The following MON2 variants were observed in gnomAD, a reference collection of about 807,000 sequenced individuals.
The protein encoded by MON2 is MON2 regulator of endosome-to-Golgi trafficking.
Under a neutral mutation model 208.6 loss-of-function variants are expected in MON2, and 84 were observed. That is an observed-to-expected ratio of 0.40 (90% confidence interval 0.34 to 0.48). The LOEUF (loss-of-function observed/expected upper bound fraction) is 0.48, where lower values mean the gene tolerates loss of function less well. MON2 is among the 20% of genes least tolerant of loss of function. The pLI is 0.59. For missense variants in MON2, 1,611 were observed against 2,015.4 expected (o/e 0.80, Z 3.84); for synonymous variants, 660 against 694.0 (o/e 0.95, Z 0.77).
In MON2 at chr12:62,532,683, A is replaced by G; in HGVS notation, c.1633+13A>G. 6.4e-7 allele frequency: 1 copy of G among 1,562,382 alleles called. No individual in the cohort carries two copies. The highest frequency in any genetic ancestry group is 8.8e-7 in the Non-Finnish European group (1 of 1,139,658). On this transcript the variant is annotated intron_variant, in intron 12 of 34. Transcript: ENST00000393630. ...GATAAGGAAATTGGTATGAGTCTGTATTTTTAATTTTTATTGGAAATAATT... is the reference window on the plus strand; with the variant it reads ...GATAAGGAAATTGGTATGAGTCTGTGTTTTTAATTTTTATTGGAAATAATT...
At chr12:62,579,165 G>T (rs1230312296) in intron 31 of MON2, among the ~76,000 whole-genome samples, 1 of 151,880 alleles carries the variant, frequency 6.6e-6, no homozygotes, top group Admixed American at 6.6e-5. Context: ...GATCACTTGA[G>T]CTCAGGAGTT....
At chr12:62,508,622 C>G in intron 8 of MON2, 142 bp downstream of exon 8, 1 of 651,938 alleles carries the variant, frequency 1.5e-6, no homozygotes, top group Non-Finnish European at 2.7e-6. Flanking sequence ...TCTAGGTACT[C>G]TAAAGGTTTG....
At chr12:62,584,658 A>AC (rs1223111011) in intron 32 of MON2, among the ~76,000 whole-genome samples, 1 of 145,170 alleles carries the variant, frequency 6.9e-6, no homozygotes, top group Non-Finnish European at 1.5e-5. Context: ...AGCCAAGATT[A>AC]CACCACTGCA....
intron 26 of MON2, 46 bp from the exon 27 acceptor site, chr12:62,565,191 T>C (rs2074335376): frequency 1.9e-6 from 3 of 1,574,952 alleles, no homozygotes; most frequent in Non-Finnish European, 1.7e-6. Flanking sequence ...AAGAACTTAA[T>C]GGAGTTCAGA....
At chr12:62,476,081 T>C (rs938765953) in intron 1 of MON2, among the ~76,000 whole-genome samples, 4 of 152,172 alleles carry the variant, frequency 2.6e-5, no homozygotes, top group African/African-American at 9.6e-5. Flanking sequence ...TTTTTAGTTA[T>C]ATACATGTAA....
chr12:62,495,295 G>A, intron 4 of MON2, 148 bp downstream of exon 4: 1 of 671,054 alleles, frequency 1.5e-6, no homozygotes, highest in Non-Finnish European at 2.3e-6. Context: ...AATAACTGTT[G>A]GTACCTTATT....
chr12:62,577,858 T>C (rs949838230), intron 30 of MON2, among the ~76,000 whole-genome samples: 3 of 152,188 alleles, frequency 2.0e-5, no homozygotes, highest in Non-Finnish European at 2.9e-5. Flanking sequence ...TTCACTCTTA[T>C]GAGCCACAGA....
chr12:62,538,124 C>T lies in MON2; in HGVS notation c.2147C>T (p.Pro716Leu). The T allele has an allele frequency of 6.2e-7, 1 of 1,613,552 alleles. No individual in the cohort carries two copies. The highest frequency in any genetic ancestry group is 8.5e-7 in the Non-Finnish European group (1 of 1,179,846). ...QHLVWILGLK[P>L]SSGGALKPGR... is the part of the protein sequence containing the mutation. The stretch of plus-strand genomic sequence containing the variant: ...CTTGTGTGGATTCTGGGATTAAAGC[C>T]TAGTAGTGGCGGTGCCTTGAAACCT... Residue 716 changes from proline (P) to leucine (L), a missense_variant, in exon 17 of 35, where the codon CCT becomes CTT. Coordinates refer to ENST00000393630, the MANE Select transcript of MON2 (RefSeq NM_015026.3).
chr12:62,529,695 C>T (rs1324647849), intron 11 of MON2, among the ~76,000 whole-genome samples: 3 of 152,260 alleles, frequency 2.0e-5, no homozygotes, highest in Non-Finnish European at 2.9e-5. Flanking sequence ...AAACCTCATA[C>T]CCATTAGCAG....
chr12:62,517,006 G>A (rs145101527), intron 8 of MON2, among the ~76,000 whole-genome samples: 1 of 152,266 alleles, frequency 6.6e-6, no homozygotes, highest in East Asian at 1.9e-4. Context: ...AGAACTTTAA[G>A]GGCCAATGTA....
rs117932372 is a variant in MON2, at chr12:62,536,269, T to C, written c.1900+560T>C. Among the ~76,000 whole-genome samples, 1,445 of 152,256 alleles carry C rather than the reference T, an allele frequency of 9.5e-3. 13 individuals are homozygous for C. Among genetic ancestry groups the C allele is most frequent in the Non-Finnish European group, 0.015 (1,008 of 68,010 alleles). ...GTAGAACAGTAATGTTTGTAACCAC[T>C]TAGGTTAAACTTACATTCAAAAATT... On this transcript the variant is annotated intron_variant, in intron 14 of 34. Coordinates refer to ENST00000393630, the MANE Select transcript of MON2 (RefSeq NM_015026.3).
At chr12:62,566,110 T>G in intron 28 of MON2, 79 bp downstream of exon 28, 1 of 1,454,576 alleles carries the variant, frequency 6.9e-7, no homozygotes, top group Non-Finnish European at 9.5e-7. Flanking sequence ...GGTAGAATGC[T>G]GTATGTGCTT....
chr12:62,564,132 T>C (rs1280565151), intron 26 of MON2, among the ~76,000 whole-genome samples: 1 of 152,128 alleles, frequency 6.6e-6, no homozygotes, highest in Admixed American at 6.6e-5. Flanking sequence ...TGGGGAGCAC[T>C]TGCATATCTA....
intron 30 of MON2, among the ~76,000 whole-genome samples, chr12:62,575,719 A>G (rs1347283280): frequency 2.0e-5 from 3 of 152,232 alleles, no homozygotes; most frequent in Non-Finnish European, 4.4e-5. Context: ...ACTAGCAGAA[A>G]AGAAAGCCTT....
chr12:62,546,949 AT>A lies in MON2; in HGVS notation c.2631del (p.Pro878GlnfsTer8). On this transcript the variant is annotated frameshift_variant, in exon 22 of 35. Transcript: ENST00000393630. LOFTEE classifies it high-confidence loss of function. ...NPLKEMSNIN[H>X]PDIRLKQLEC... ...TTAAAGGAGATGTCCAATATTAATC[AT>A]CCAGATATTCGACTCAAGCAGTTAG... 6.2e-7 allele frequency: 1 copy of A among 1,613,284 alleles called. No individual in the cohort carries two copies.
At position 62,569,300 on chromosome 12, in the gene MON2, T is replaced by C. The variant is rs76292140; in HGVS notation, c.4324-2092T>C. 9.6e-3 allele frequency among the ~76,000 whole-genome samples: 1,456 copies of C among 152,258 alleles called. 19 individuals carry two copies. The highest frequency in any genetic ancestry group is 0.012 in the Non-Finnish European group (830 of 68,002). ...TGGCCCTATATCACTTAGTATTCTTTTGGTTGCAAATGACATACACTCAGG... is the reference window on the plus strand; with the variant it reads ...TGGCCCTATATCACTTAGTATTCTTCTGGTTGCAAATGACATACACTCAGG... On this transcript the variant is annotated intron_variant, in intron 29 of 34. Transcript: ENST00000393630.
chr12:62,549,574 T>G (rs2073653463), intron 22 of MON2, 94 bp from the exon 23 acceptor site: 1 of 1,137,502 alleles, frequency 8.8e-7, no homozygotes, highest in Non-Finnish European at 1.2e-6. Flanking sequence ...ATCGCACCAC[T>G]GCACTCCAAC....
intron 29 of MON2, 30 bp from the exon 30 acceptor site, chr12:62,571,362 A>G: frequency 1.4e-6 from 2 of 1,429,350 alleles, no homozygotes; most frequent in Non-Finnish European, 9.4e-7. Context: ...GTTTTAATTA[A>G]TGCTTATATT....
chr12:62,561,386 A>G (rs1400678768), intron 26 of MON2, among the ~76,000 whole-genome samples: 1 of 152,148 alleles, frequency 6.6e-6, no homozygotes, highest in Non-Finnish European at 1.5e-5. Context: ...TGTCCACGCA[A>G]GTCTTCACAA....
Sources: allele counts gnomAD v4.1 joint callset (sites outside exome capture counted in the v4.1 genomes callset), GRCh38; gene constraint gnomAD v4.1.1; transcripts MANE v1.5; gene names NCBI Gene and HGNC (gene_info 2026-07-23, HGNC 2026-07-21).